Variants in MCTP1 observed in about 807,000 individuals in gnomAD.
MCTP1 encodes the protein multiple C2 and transmembrane domain containing 1.
A neutral mutation model predicts 120.6 loss-of-function variants in MCTP1; 69 were observed. That is an observed-to-expected ratio of 0.57 (90% CI 0.47 to 0.70). The LOEUF (loss-of-function observed/expected upper bound fraction) is 0.70, where lower values mean the gene tolerates loss of function less well. MCTP1 is among the 30% of genes least tolerant of loss of function. MCTP1 has a pLI of 0.00. For missense variants in MCTP1, 1,203 were observed against 1,248.8 expected (o/e 0.96, Z 0.55); for synonymous variants, 529 against 493.1 (o/e 1.07, Z -0.96).
Position 95,167,502 on chromosome 5 carries a change from C to T in MCTP1, c.720+116354G>A, listed in dbSNP as rs542916970. On this transcript the variant is annotated intron_variant, in intron 1 of 22. Coordinates refer to ENST00000515393, the MANE Select transcript of MCTP1 (RefSeq NM_024717.7). ...TCGCCACACTGACTTCCACAATGGT[C>T]AAACTAGTTTACAGTCCCACCAACA... Among the ~76,000 whole-genome samples the T allele has an allele frequency of 7.9e-3, 1,206 of 152,124 alleles. 22 individuals are homozygous for T. Among genetic ancestry groups the T allele is most frequent in the African/African-American group, 0.026 (1,087 of 41,426 alleles).
At chr5:94,762,783 G>A (rs187794644) in intron 19 of MCTP1, among the ~76,000 whole-genome samples, 1 of 152,296 alleles carries the variant, frequency 6.6e-6, no homozygotes, top group African/African-American at 2.4e-5. Flanking sequence ...TTCTTTGTGA[G>A]ACTTTCTAGG....
chr5:95,086,038 GT>G (rs1755418815), intron 1 of MCTP1, among the ~76,000 whole-genome samples: 1 of 151,570 alleles, frequency 6.6e-6, no homozygotes, highest in Admixed American at 6.6e-5. Flanking sequence ...GTCCTTTGCT[GT>G]TTTTTATTTA....
At chr5:94,831,670 T>C (rs1025230624) in intron 17 of MCTP1, among the ~76,000 whole-genome samples, 16 of 152,324 alleles carry the variant, frequency 1.1e-4, no homozygotes, top group African/African-American at 3.8e-4. Context: ...GAATCCTTTG[T>C]GTAATGAAAT....
At position 95,254,482 on chromosome 5, in the gene MCTP1, C is replaced by A. The variant is rs1180769157; in HGVS notation, c.720+29374G>T. Among the ~76,000 whole-genome samples the A allele has an allele frequency of 2.6e-5, 4 of 152,040 alleles. No homozygotes were observed. In the East Asian group the frequency reaches 7.7e-4, roughly 29 times the overall value. ...CCTGGCTCCAGAACCTACATCTTAC[C>A]CACAAGCTTAACAGTTAATAAGGCA... On this transcript the variant is annotated intron_variant, in intron 1 of 22. Transcript: ENST00000515393.
rs1780613004 is a variant in MCTP1, at chr5:94,798,865, G to C, written c.2556+148C>G. 18 of 678,504 alleles carry C rather than the reference G, an allele frequency of 2.7e-5. No individual in the cohort carries two copies. The South Asian group carries it at 3.7e-4, about 14-fold the overall frequency. 42.0% of individuals were successfully genotyped at this position (678,504 alleles called of 1,614,324 possible). A position where few individuals can be genotyped will look rare whatever the true frequency, so the allele number is the denominator to read the frequency against. ...TCTATTGTGTTAGGACCAAAGAGTT[G>C]TTAGTTTTGACCTGATAAAACTTTC... On this transcript the variant is annotated intron_variant, in intron 18 of 22. Transcript: ENST00000515393.
intron 19 of MCTP1, among the ~76,000 whole-genome samples, chr5:94,740,159 T>C (rs1765187320): frequency 6.6e-6 from 1 of 152,226 alleles, no homozygotes; most frequent in Non-Finnish European, 1.5e-5. Flanking sequence ...TCTACACATA[T>C]CCATTTATCT....
In MCTP1 at chr5:94,779,137, C is replaced by A; in HGVS notation, c.2583G>T (p.Glu861Asp). The change falls in exon 19 of 23, where the codon GAG becomes GAT. Residue 861 changes from glutamate (E) to aspartate (D), a missense_variant. Glu to Asp is a conservative substitution (Grantham distance 45, BLOSUM62 2). Around this residue, in one of 2 missense-constraint regions of MCTP1, gnomAD observed 740 missense variants for 871.1 expected, o/e 0.85. Coordinates refer to ENST00000515393, the MANE Select transcript of MCTP1 (RefSeq NM_024717.7). ...DTVVEDMLED[E>D]EEEDDKDDKD... Reference sequence around the variant, plus strand: ...TGTCATCTTTGTCATCTTCTTCTTCCTCGTCCTCTAGCATGTCCTCCACTA... The same window carrying A: ...TGTCATCTTTGTCATCTTCTTCTTCATCGTCCTCTAGCATGTCCTCCACTA... The A allele has an allele frequency of 1.2e-6, 2 of 1,613,700 alleles. No individual in the cohort carries two copies. Among genetic ancestry groups the A allele is most frequent in the Non-Finnish European group, 1.7e-6 (2 of 1,179,700 alleles).
intron 11 of MCTP1, among the ~76,000 whole-genome samples, chr5:94,891,922 C>T (rs1041094338): frequency 6.6e-6 from 1 of 152,090 alleles, no homozygotes; most frequent in Admixed American, 6.5e-5. Context: ...GCAGAGGAAT[C>T]TATGATTTGC....
intron 2 of MCTP1, among the ~76,000 whole-genome samples, chr5:94,968,330 G>C (rs1826055847): frequency 6.6e-6 from 1 of 152,232 alleles, no homozygotes; most frequent in East Asian, 1.9e-4. Flanking sequence ...TTCCAAGAAG[G>C]AGGCTTGACA....
intron 1 of MCTP1, among the ~76,000 whole-genome samples, chr5:95,225,795 C>T (rs1754196755): frequency 6.6e-6 from 1 of 152,088 alleles, no homozygotes; most frequent in African/African-American, 2.4e-5. Context: ...AGTCTGTCCC[C>T]ATACCCTCTT....
rs193121378 is a variant in MCTP1 at position 95,066,309 on chromosome 5, C to T, written c.721-48825G>A. Among the ~76,000 whole-genome samples, 16 of 152,284 alleles carry T rather than the reference C, an allele frequency of 1.1e-4. No homozygotes were observed. In the East Asian group the frequency reaches 2.9e-3, roughly 28 times the overall value. ...TCAAAATTACAATAAGATCATCTCA[C>T]TTCAGTTAGAATGGCTATTACCAAA... On this transcript the variant is annotated intron_variant, in intron 1 of 22. Coordinates refer to ENST00000515393, the MANE Select transcript of MCTP1 (RefSeq NM_024717.7).
chr5:95,100,303 C>A (rs1304420725), intron 1 of MCTP1, among the ~76,000 whole-genome samples: 3 of 151,976 alleles, frequency 2.0e-5, no homozygotes, highest in African/African-American at 7.2e-5. Context: ...AAAATATTTG[C>A]TTCATGATAT....
intron 1 of MCTP1, among the ~76,000 whole-genome samples, chr5:95,201,805 A>T (rs1263989171): frequency 1.3e-5 from 2 of 151,926 alleles, no homozygotes; most frequent in African/African-American, 4.8e-5. Flanking sequence ...GCACCTGGCC[A>T]AAAAAGTTTT....
In MCTP1 at chr5:94,888,871, T is replaced by A; in HGVS notation, c.1933+8A>T. On this transcript the variant is annotated splice_region_variant and intron_variant, in intron 12 of 22. Transcript: ENST00000515393. ...TCTGAGCAATAGGAGAATTGCATCA[T>A]CTCTTACCAGTGACGTCGGCAGCCA... is the stretch of plus-strand genomic sequence containing the variant. The A allele has an allele frequency of 6.3e-6, 10 of 1,583,612 alleles. No homozygotes were observed. Among genetic ancestry groups the A allele is most frequent in the Non-Finnish European group, 7.8e-6 (9 of 1,152,466 alleles).
intron 1 of MCTP1, among the ~76,000 whole-genome samples, chr5:95,174,322 C>T (rs1159674237): frequency 6.6e-6 from 1 of 151,968 alleles, no homozygotes; most frequent in Non-Finnish European, 1.5e-5. Flanking sequence ...TATTAATGCT[C>T]ATTATCATAA....
intron 1 of MCTP1, among the ~76,000 whole-genome samples, chr5:95,167,999 G>A (rs1746661248): frequency 6.6e-6 from 1 of 152,074 alleles, no homozygotes; most frequent in South Asian, 2.1e-4. Flanking sequence ...GTATTGCCTA[G>A]GTTTTCTTCT....
At chr5:94,789,826 G>A (rs924737339) in intron 18 of MCTP1, among the ~76,000 whole-genome samples, 1 of 152,116 alleles carries the variant, frequency 6.6e-6, no homozygotes, top group African/African-American at 2.4e-5. Context: ...AGTTTGTACT[G>A]TTAGTGCCTA....
intron 19 of MCTP1, among the ~76,000 whole-genome samples, chr5:94,749,581 G>C (rs1767743595): frequency 6.8e-6 from 1 of 147,042 alleles, no homozygotes; most frequent in African/African-American, 2.6e-5. Flanking sequence ...CTTGAACCTG[G>C]GAAGTGGAGG....
intron 1 of MCTP1, among the ~76,000 whole-genome samples, chr5:95,096,634 GCT>G (rs1410715948): frequency 1.3e-5 from 2 of 152,138 alleles, no homozygotes; most frequent in Non-Finnish European, 2.9e-5. Context: ...AATGGAAGAA[GCT>G]CTAATTCGTG....
Sources: gnomAD v4.1 joint callset for allele counts (sites outside exome capture counted in the v4.1 genomes callset) on GRCh38, gnomAD v4.1.1 for gene constraint, gnomAD v4.1.1 regional missense constraint, MANE v1.5 for transcripts, NCBI Gene and HGNC (gene_info 2026-07-23, HGNC 2026-07-21) for gene names.